Variants in POU2F2 observed in about 807,000 individuals in gnomAD.
POU2F2 encodes the protein POU class 2 homeobox 2.
POU2F2 carries 14 observed loss-of-function variants against 63.5 expected under a neutral mutation model. That is an observed-to-expected ratio of 0.22 (90% CI 0.15 to 0.34). POU2F2 has a LOEUF of 0.34. Ranked by LOEUF, POU2F2 falls within the 10% of genes least tolerant of loss-of-function variation. POU2F2 has a pLI of 1.00. For synonymous variants in POU2F2, 306 were observed against 348.6 expected (o/e 0.88, Z 1.36); for missense variants, 607 against 815.2 (o/e 0.74, Z 3.11).
At chr19:42,112,090 A>G (rs1286676139) in intron 5 of POU2F2, among the ~76,000 whole-genome samples, 1 of 152,246 alleles carries the variant, frequency 6.6e-6, no homozygotes, top group Non-Finnish European at 1.5e-5. Flanking sequence ...CAGACAGGCA[A>G]CAGCAGATCC....
chr19:42,117,368 TG>T lies in POU2F2; in HGVS notation c.250del (p.Gln84ArgfsTer33). The T allele has an allele frequency of 2.6e-5, 40 of 1,525,610 alleles. No individual in the cohort carries two copies. Among genetic ancestry groups the T allele is most frequent in the South Asian group, 1.0e-4 (8 of 77,366 alleles). The allele number at this position is 1,525,610 out of a possible 1,614,324, so 94.5% of individuals were successfully genotyped here. ...WGPGPCLSPP[Q>X]IKAEDPSGDS... The stretch of plus-strand genomic sequence containing the variant: ...GCCACTGGGGTCTTCAGCCTTGATC[TG>T]GGGGGGAGAGAGGCAGGGTCCGGGA... On this transcript the variant is annotated frameshift_variant, in exon 5 of 15. Coordinates refer to ENST00000692977, the MANE Select transcript of POU2F2 (RefSeq NM_001394376.1). LOFTEE classifies it high-confidence loss of function. This position sits in a 1 kb window ranked among gnomAD's most constrained non-coding sequence, Gnocchi z 4.4.
At chr19:42,151,870 G>A (rs1599674336) in intron 2 of POU2F2, among the ~76,000 whole-genome samples, 1 of 152,230 alleles carries the variant, frequency 6.6e-6, no homozygotes, top group South Asian at 2.1e-4. Flanking sequence ...AGGGGAGGAA[G>A]CCAGAAGAGA....
chr19:42,171,603 G>A (rs1380322569), intron 1 of POU2F2, among the ~76,000 whole-genome samples: 1 of 152,170 alleles, frequency 6.6e-6, no homozygotes, highest in African/African-American at 2.4e-5. Context: ...TGAGCAAGTG[G>A]AATGTGCCTC....
At chr19:42,113,378 C>A (rs907857704) in intron 5 of POU2F2, among the ~76,000 whole-genome samples, 1 of 152,182 alleles carries the variant, frequency 6.6e-6, no homozygotes, top group African/African-American at 2.4e-5. Flanking sequence ...CAGAAGGCAG[C>A]ACACTGAGCA....
At chr19:42,189,987 A>G (rs1257301171) in intron 1 of POU2F2, among the ~76,000 whole-genome samples, 1 of 152,214 alleles carries the variant, frequency 6.6e-6, no homozygotes, top group Non-Finnish European at 1.5e-5. Context: ...TCAGCCTCCC[A>G]AAGTGCTGGG....
At chr19:42,141,668 C>CG (rs1396070295) in intron 2 of POU2F2, among the ~76,000 whole-genome samples, 1 of 151,672 alleles carries the variant, frequency 6.6e-6, no homozygotes, top group Non-Finnish European at 1.5e-5. Context: ...TTAGTAGAGA[C>CG]GGGGTTTCTC....
rs2077061823 is a variant in POU2F2 at position 42,099,830 on chromosome 19, G to A, written c.370-9C>T. ...AGGAGCTGCTGTATGTCCTGGCAGG[G>A]AGTGGGGTGGACAGAAAGATAGCCT... On this transcript the variant is annotated splice_polypyrimidine_tract_variant and intron_variant, in intron 5 of 14. Coordinates refer to ENST00000692977, the MANE Select transcript of POU2F2 (RefSeq NM_001394376.1). 1 of 1,552,976 alleles carries A rather than the reference G, an allele frequency of 6.4e-7. No individual in the cohort carries two copies.
At chr19:42,187,372 G>A (rs568511963) in intron 1 of POU2F2, among the ~76,000 whole-genome samples, 17 of 147,204 alleles carry the variant, frequency 1.2e-4, no homozygotes, top group South Asian at 8.8e-4. Flanking sequence ...GGCTGAAGCC[G>A]AAACAGGAGA....
intron 2 of POU2F2, among the ~76,000 whole-genome samples, chr19:42,158,559 G>T (rs1243815965): frequency 6.6e-6 from 1 of 152,200 alleles, no homozygotes; most frequent in Non-Finnish European, 1.5e-5. Flanking sequence ...TCACAGGGTT[G>T]CTGTGAGGAT....
chr19:42,103,479 T>C (rs1411729608), intron 5 of POU2F2, among the ~76,000 whole-genome samples: 1 of 152,206 alleles, frequency 6.6e-6, no homozygotes, highest in Non-Finnish European at 1.5e-5. Context: ...ACATGTTACT[T>C]ACAATTTTTT....
chr19:42,118,260 T>C (rs943862485), intron 4 of POU2F2, among the ~76,000 whole-genome samples: 3 of 152,164 alleles, frequency 2.0e-5, no homozygotes, highest in Non-Finnish European at 4.4e-5. Flanking sequence ...AAGTAAGACT[T>C]TGTTGGAAGA....
chr19:42,118,013 C>T (rs1310329867), intron 4 of POU2F2, among the ~76,000 whole-genome samples: 1 of 152,122 alleles, frequency 6.6e-6, no homozygotes, highest in Non-Finnish European at 1.5e-5. Flanking sequence ...CAGCTTCTAC[C>T]TCCCAGGCTC....
At chr19:42,192,393 C>T (rs2035083824) in intron 1 of POU2F2, among the ~76,000 whole-genome samples, 1 of 152,110 alleles carries the variant, frequency 6.6e-6, no homozygotes, top group East Asian at 1.9e-4. Context: ...GAGATGTCCC[C>T]AGTGATCATG....
chr19:42,086,597 A>T lies in POU2F2; in HGVS notation c.*4660T>A, dbSNP rs942191141. 1.3e-5 allele frequency: 2 copies of T among 152,298 alleles called. No homozygotes were observed. Among genetic ancestry groups the T allele is most frequent in the African/African-American group, 4.8e-5 (2 of 41,436 alleles). 9.4% of individuals were successfully genotyped at this position (152,298 alleles called of 1,614,324 possible). ...GGAAGGTGATGGTGGAAGCAGTGGG[A>T]CAAGAGGCCAGAAAGGAGTTGAAAG... On this transcript the variant is annotated 3_prime_UTR_variant, in exon 15 of 15. Coordinates refer to ENST00000692977, the MANE Select transcript of POU2F2 (RefSeq NM_001394376.1).
intron 1 of POU2F2, among the ~76,000 whole-genome samples, chr19:42,125,947 G>A (rs556229827): frequency 1.8e-4 from 27 of 152,188 alleles, no homozygotes; most frequent in African/African-American, 6.0e-4. Flanking sequence ...GGGCAGCCTC[G>A]GACCCCACTG....
rs1244380505 is a variant in POU2F2 at position 42,112,712 on chromosome 19, C to G, written c.369+4538G>C. Among the ~76,000 whole-genome samples the G allele has an allele frequency of 2.6e-5, 4 of 152,278 alleles. No individual in the cohort carries two copies. In the East Asian group the frequency reaches 7.7e-4, roughly 29 times the overall value. Reference sequence around the variant, plus strand: ...CTCCCTGGGCAGGATAGCTACAAGTCTGGAAATGCTGACACCCATTTTACC... The same window carrying G: ...CTCCCTGGGCAGGATAGCTACAAGTGTGGAAATGCTGACACCCATTTTACC... On this transcript the variant is annotated intron_variant, in intron 5 of 14. Transcript: ENST00000692977.
rs534975268 is a variant in POU2F2, at chr19:42,153,818, G to T, written c.-9+6514C>A. On this transcript the variant is annotated intron_variant, in intron 2 of 6. Transcript: ENST00000524801. The surrounding 1 kb of genome is among the most constrained non-coding windows in gnomAD (Gnocchi z 5.6). ...AGGCTACAACCCTGAGTCTCTGAGT[G>T]GGGGAGGGTGGCGAGGCAGCAGGGG... is the stretch of plus-strand genomic sequence containing the variant. Among the ~76,000 whole-genome samples, 3 of 152,138 alleles carry T rather than the reference G, an allele frequency of 2.0e-5. No homozygotes were observed. Among genetic ancestry groups the T allele is most frequent in the Non-Finnish European group, 4.4e-5 (3 of 68,018 alleles).
intron 1 of POU2F2, among the ~76,000 whole-genome samples, chr19:42,190,333 G>C (rs967782810): frequency 3.3e-5 from 5 of 151,904 alleles, no homozygotes; most frequent in African/African-American, 7.3e-5. Flanking sequence ...ATATATGTTT[G>C]ATAACAAGTT....
intron 2 of POU2F2, among the ~76,000 whole-genome samples, chr19:42,150,433 G>C (rs1252128416): frequency 1.3e-5 from 2 of 151,342 alleles, no homozygotes; most frequent in Admixed American, 1.3e-4. Context: ...GAGAGGGCTG[G>C]GGGAGGGGTG....
Sources: allele counts gnomAD v4.1 joint callset (sites outside exome capture counted in the v4.1 genomes callset), GRCh38; gene constraint gnomAD v4.1.1; non-coding constraint Gnocchi (gnomAD v3.1); transcripts MANE v1.5; gene names NCBI Gene and HGNC (gene_info 2026-07-23, HGNC 2026-07-21).